The following WRN variants were observed in gnomAD, a reference collection of about 807,000 sequenced individuals.
WRN encodes the protein bifunctional 3'-5' exonuclease/ATP-dependent helicase WRN.
WRN carries 149 observed loss-of-function variants against 180.7 expected under a neutral mutation model. That is an observed-to-expected ratio of 0.82 (90% CI 0.72 to 0.94). The LOEUF (loss-of-function observed/expected upper bound fraction) is 0.94, where lower values mean the gene tolerates loss of function less well. Among genes scored for constraint, WRN ranks in the 40% least tolerant of loss-of-function variants. WRN has a pLI of 0.00. For synonymous variants in WRN, 548 were observed against 568.9 expected, an observed-to-expected ratio of 0.96 and a Z score of 0.52; for missense variants, 1,661 against 1,700.1, an observed-to-expected ratio of 0.98 and a Z score of 0.40.
At chr8:31,039,862 T>C (rs945634944) in intron 1 of WRN, among the ~76,000 whole-genome samples, 6 of 152,228 alleles carry the variant, frequency 3.9e-5, no homozygotes, top group Non-Finnish European at 7.3e-5. Flanking sequence ...AATTTTCTTA[T>C]GTTGAACCAC....
intron 18 of WRN, among the ~76,000 whole-genome samples, chr8:31,111,170 AC>A (rs201965309): frequency 6.6e-6 from 1 of 152,126 alleles, no homozygotes; most frequent in African/African-American, 2.4e-5. Flanking sequence ...CCAAAAAAAA[AC>A]GACCATTGCT....
chr8:31,130,025 C>CAAACA (rs1802095639), intron 23 of WRN, among the ~76,000 whole-genome samples: 1 of 60,204 alleles, frequency 1.7e-5, no homozygotes, highest in African/African-American at 4.3e-5. Context: ...CAAAACAAAA[C>CAAACA]AAAAAAAAAA....
chr8:31,076,367 A>G (rs1427692631), intron 8 of WRN, 80 bp downstream of exon 8: 3 of 1,213,746 alleles, frequency 2.5e-6, no homozygotes, highest in Non-Finnish European at 2.4e-6. Context: ...TGTGAAGAAT[A>G]CTATTCATTA....
intron 24 of WRN, 48 bp downstream of exon 24, chr8:31,132,554 A>G (rs368763220): frequency 1.6e-4 from 260 of 1,612,516 alleles, no homozygotes; most frequent in Non-Finnish European, 2.1e-4. Flanking sequence ...TTTTACTTCT[A>G]TTACACTTTT....
chr8:31,036,492 T>C (rs1368667435), intron 1 of WRN, among the ~76,000 whole-genome samples: 1 of 152,224 alleles, frequency 6.6e-6, no homozygotes, highest in African/African-American at 2.4e-5. Flanking sequence ...GGAGTTCCCT[T>C]TTCTCCACAT....
chr8:31,159,728 T>G (rs1803535314), intron 33 of WRN, among the ~76,000 whole-genome samples: 6 of 151,854 alleles, frequency 4.0e-5, no homozygotes, highest in Admixed American at 3.9e-4. Flanking sequence ...TGACTTGACT[T>G]GAGGTCAGGA....
chr8:31,163,926 T>C (rs995964282), intron 33 of WRN, among the ~76,000 whole-genome samples: 10 of 151,846 alleles, frequency 6.6e-5, no homozygotes, highest in African/African-American at 2.2e-4. Flanking sequence ...AATCATAGCT[T>C]ACTGCAGCCT....
chr8:31,039,838 GTGTTA>G (rs1811582859), intron 1 of WRN, among the ~76,000 whole-genome samples: 1 of 152,072 alleles, frequency 6.6e-6, no homozygotes, highest in Non-Finnish European at 1.5e-5. Context: ...TTAATGTAAT[GTGTTA>G]TATTGATTAA....
At chr8:31,076,938 A>G (rs1813115953) in intron 8 of WRN, among the ~76,000 whole-genome samples, 1 of 152,216 alleles carries the variant, frequency 6.6e-6, no homozygotes, top group African/African-American at 2.4e-5. Flanking sequence ...CCTTAATTGC[A>G]GGATGACTTC....
intron 1 of WRN, among the ~76,000 whole-genome samples, chr8:31,045,211 TTATTG>T (rs1811811855): frequency 1.3e-5 from 2 of 152,190 alleles, no homozygotes; most frequent in South Asian, 4.1e-4. Context: ...TTTTATTTAT[TTATTG>T]TATGTATTTA....
chr8:31,172,976 T>A lies in WRN; in HGVS notation c.4192-19T>A. 6.2e-7 allele frequency: 1 copy of A among 1,611,170 alleles called. No homozygotes were observed. The highest frequency in any genetic ancestry group is 1.1e-5 in the South Asian group (1 of 91,008). Reference sequence around the variant, plus strand: ...AGTAGTACAAAGATTTGATTTCTTTTTCTTTCTATTTCCTACAGACTTCAT... The same window carrying A: ...AGTAGTACAAAGATTTGATTTCTTTATCTTTCTATTTCCTACAGACTTCAT... On this transcript the variant is annotated intron_variant, in intron 34 of 34. Transcript: ENST00000298139.
chr8:31,063,561 A>G (rs955495703), intron 3 of WRN, among the ~76,000 whole-genome samples: 6 of 152,206 alleles, frequency 3.9e-5, no homozygotes, highest in African/African-American at 1.4e-4. Context: ...TTACCAATTT[A>G]TACATGAACC....
In WRN at chr8:31,132,535, T is replaced by C. The variant is rs768307749; in HGVS notation, c.2967+29T>C. 27 of 1,613,620 alleles carry C rather than the reference T, an allele frequency of 1.7e-5. No homozygotes were observed. The East Asian group carries it at 3.8e-4, about 23-fold the overall frequency. On this transcript the variant is annotated intron_variant, in intron 24 of 34. Coordinates refer to ENST00000298139, the MANE Select transcript of WRN (RefSeq NM_000553.6). ...AGTATATATCTGTGAATTCCCTTCA[T>C]AGATCTTCTTTTACTTCTATTACAC...
At chr8:31,051,544 A>G (rs1025207716) in intron 1 of WRN, among the ~76,000 whole-genome samples, 5 of 152,222 alleles carry the variant, frequency 3.3e-5, no homozygotes, top group African/African-American at 1.2e-4. Flanking sequence ...AATGCTGTCA[A>G]ATAGAATCAC....
rs763297475 is a variant in WRN at position 31,124,541 on chromosome 8, C to A, written c.2650C>A (p.Arg884Ser). The A allele has an allele frequency of 6.2e-7, 1 of 1,611,958 alleles. No individual in the cohort carries two copies. Among genetic ancestry groups the A allele is most frequent in the South Asian group, 1.1e-5 (1 of 90,986 alleles). Residue 884 changes from arginine (R) to serine (S), a missense_variant, in exon 22 of 35, where the codon CGT becomes AGT. By Grantham distance (110) the Arg-to-Ser change is moderately radical. This residue lies in a region of WRN where 1,141 missense variants were observed against 1,149.4 expected (regional missense o/e 0.99). Transcript: ENST00000298139. ...CGACAGGCACCTTCTTACTGAGATA[C>A]GTAATGAGAAGTTTCGATTATACAA... is the stretch of plus-strand genomic sequence containing the variant. ...NLNRHLLTEI[R>S]NEKFRLYKLK...
At chr8:31,162,551 A>G (rs1429692015) in intron 33 of WRN, among the ~76,000 whole-genome samples, 3 of 152,228 alleles carry the variant, frequency 2.0e-5, no homozygotes, top group Admixed American at 2.0e-4. Flanking sequence ...ACACATAAAC[A>G]TAGTAACATA....
chr8:31,081,406 TCTGTTGCAGTAA>T, intron 9 of WRN, 110 bp downstream of exon 9: 1 of 1,128,040 alleles, frequency 8.9e-7, no homozygotes, highest in Non-Finnish European at 1.3e-6. Context: ...ACATACAGTC[TCTGTTGCAGTAA>T]CTCAGTTCTG....
chr8:31,094,432 A>G (rs1254870984), intron 16 of WRN, among the ~76,000 whole-genome samples: 1 of 146,562 alleles, frequency 6.8e-6, no homozygotes, highest in African/African-American at 2.5e-5. Flanking sequence ...TGCATCCTTG[A>G]TTTCCTGGGC....
intron 21 of WRN, among the ~76,000 whole-genome samples, chr8:31,122,164 C>A (rs1448392827): frequency 6.6e-6 from 1 of 151,918 alleles, no homozygotes; most frequent in Non-Finnish European, 1.5e-5. Context: ...GTGCCAGAAA[C>A]CCATACTTGA....
Sources: gnomAD v4.1 joint callset for allele counts (sites outside exome capture counted in the v4.1 genomes callset) on GRCh38, gnomAD v4.1.1 for gene constraint, gnomAD v4.1.1 regional missense constraint, MANE v1.5 for transcripts, NCBI Gene and HGNC (gene_info 2026-07-23, HGNC 2026-07-21) for gene names.